The following FMN2 variants were observed in gnomAD, a reference collection of about 807,000 sequenced individuals.
FMN2 encodes the protein formin-2.
Under a neutral mutation model 142.3 loss-of-function variants are expected in FMN2, and 51 were observed. The ratio of observed to expected loss-of-function variants is 0.36; its 90% CI spans 0.29 to 0.45. The LOEUF (loss-of-function observed/expected upper bound fraction) is 0.45, where lower values mean the gene tolerates loss of function less well. Among genes scored for constraint, FMN2 ranks in the 20% least tolerant of loss-of-function variants. FMN2 has a pLI of 1.00. For synonymous variants in FMN2, 882 were observed against 869.8 expected (o/e 1.01, Z -0.25); for missense variants, 1,936 against 2,122.8 (o/e 0.91, Z 1.73).
At chr1:240,233,705 C>A (rs995262545) in intron 6 of FMN2, among the ~76,000 whole-genome samples, 2 of 151,846 alleles carry the variant, frequency 1.3e-5, no homozygotes, top group African/African-American at 4.8e-5. Flanking sequence ...ATTAGTAGGA[C>A]CTTACAAAGA....
At chr1:240,121,526 C>T (rs1662249096) in intron 1 of FMN2, among the ~76,000 whole-genome samples, 1 of 151,392 alleles carries the variant, frequency 6.6e-6, no homozygotes, top group Non-Finnish European at 1.5e-5. Context: ...CAGGCGCTGG[C>T]CACCAAGCCT....
At chr1:240,409,217 C>T (rs1674314717) in intron 15 of FMN2, among the ~76,000 whole-genome samples, 1 of 151,994 alleles carries the variant, frequency 6.6e-6, no homozygotes, top group Admixed American at 6.6e-5. Context: ...ATTTCAGCTC[C>T]CTGCAACCCT....
Position 240,092,109 on chromosome 1 carries a change from C to T in FMN2, c.-1C>T, listed in dbSNP as rs1660992161. On this transcript the variant is annotated 5_prime_UTR_variant, in exon 1 of 18. Coordinates refer to ENST00000319653, the MANE Select transcript of FMN2 (RefSeq NM_020066.5). ...CGGCGGCGCAGCAGCGGGATTGCAC[C>T]ATGGGGAACCAGGATGGGAAGCTGA... The T allele has an allele frequency of 6.5e-7, 1 of 1,549,048 alleles. No homozygotes were observed.
chr1:240,468,498 T>A (rs2103243892), intron 16 of FMN2, among the ~76,000 whole-genome samples: 1 of 152,282 alleles, frequency 6.6e-6, no homozygotes, highest in South Asian at 2.1e-4. Context: ...AGGACACACT[T>A]CCCTCTTCAT....
chr1:240,238,845 A>G (rs1424473606), intron 6 of FMN2, among the ~76,000 whole-genome samples: 1 of 152,218 alleles, frequency 6.6e-6, no homozygotes, highest in Non-Finnish European at 1.5e-5. Context: ...AATCTGTTAT[A>G]CTCAACAACA....
chr1:240,152,615 G>GT (rs1235436493), intron 2 of FMN2, among the ~76,000 whole-genome samples: 9 of 152,168 alleles, frequency 5.9e-5, no homozygotes, highest in African/African-American at 2.2e-4. Context: ...CAGTGGCCCT[G>GT]TTGCCTGTGC....
intron 14 of FMN2, among the ~76,000 whole-genome samples, chr1:240,358,825 C>T (rs1052307932): frequency 6.6e-6 from 1 of 152,062 alleles, no homozygotes; most frequent in Non-Finnish European, 1.5e-5. Flanking sequence ...AAAGCCTAGC[C>T]ATATTATTTC....
chr1:240,432,643 T>A (rs1434768481), intron 15 of FMN2, among the ~76,000 whole-genome samples: 2 of 152,096 alleles, frequency 1.3e-5, no homozygotes, highest in African/African-American at 4.8e-5. Context: ...TCTCTCTAAG[T>A]ACTTGCTTTA....
At chr1:240,270,036 A>G (rs1668943593) in intron 7 of FMN2, among the ~76,000 whole-genome samples, 1 of 151,976 alleles carries the variant, frequency 6.6e-6, no homozygotes, top group African/African-American at 2.4e-5. Context: ...TTTCTTGCCT[A>G]ATTGCTCTGG....
chr1:240,402,281 TA>T (rs1337411787), intron 15 of FMN2, among the ~76,000 whole-genome samples: 1 of 152,266 alleles, frequency 6.6e-6, no homozygotes, highest in Non-Finnish European at 1.5e-5. Flanking sequence ...TCATTTTTCA[TA>T]TTCCATTTGT....
chr1:240,429,965 A>G (rs1191537161), intron 15 of FMN2, among the ~76,000 whole-genome samples: 1 of 150,256 alleles, frequency 6.7e-6, no homozygotes, highest in South Asian at 2.1e-4. Flanking sequence ...AGCTCACTGC[A>G]AGCTCTGCCT....
At chr1:240,221,110 C>A (rs1461316051) in intron 6 of FMN2, among the ~76,000 whole-genome samples, 1 of 152,132 alleles carries the variant, frequency 6.6e-6, no homozygotes, top group Non-Finnish European at 1.5e-5. Context: ...CTTTATCCAG[C>A]CTATCATTGA....
At chr1:240,180,250 A>G (rs1475240244) in intron 3 of FMN2, 2 of 1,051,180 alleles carry the variant, frequency 1.9e-6, no homozygotes, top group Non-Finnish European at 2.6e-6. Flanking sequence ...GTCATATAGC[A>G]TTTTTTCATC....
intron 14 of FMN2, among the ~76,000 whole-genome samples, chr1:240,390,723 G>A (rs186032298): frequency 1.0e-3 from 155 of 152,312 alleles, no homozygotes; most frequent in African/African-American, 3.5e-3. Context: ...GTTAACAGAT[G>A]AATCTGCCTA....
chr1:240,177,470 A>C (rs1664968265), intron 2 of FMN2, among the ~76,000 whole-genome samples: 1 of 151,792 alleles, frequency 6.6e-6, no homozygotes, highest in Admixed American at 6.6e-5. Flanking sequence ...TTGTGGTTGA[A>C]GGCACGGGAG....
intron 2 of FMN2, chr1:240,143,915 G>A: frequency 1.3e-6 from 2 of 1,533,296 alleles, no homozygotes; most frequent in Non-Finnish European, 1.8e-6. Context: ...GCCAGCGTAG[G>A]CCAAGCCTAG....
chr1:240,380,877 C>T (rs1673204317), intron 14 of FMN2, among the ~76,000 whole-genome samples: 1 of 151,886 alleles, frequency 6.6e-6, no homozygotes, highest in African/African-American at 2.4e-5. Context: ...TTAAAATAAG[C>T]ACAATCAGAA....
intron 2 of FMN2, among the ~76,000 whole-genome samples, chr1:240,159,636 A>G (rs1664176385): frequency 6.6e-6 from 1 of 152,114 alleles, no homozygotes. Flanking sequence ...TGTCCACACT[A>G]TCATTACAAG....
chr1:240,422,426 C>T (rs1237957177), intron 15 of FMN2, among the ~76,000 whole-genome samples: 1 of 152,112 alleles, frequency 6.6e-6, no homozygotes, highest in East Asian at 1.9e-4. Flanking sequence ...TGATTTCTTT[C>T]ATCTGAGTTT....
Sources: gnomAD v4.1 joint callset for allele counts (sites outside exome capture counted in the v4.1 genomes callset) on GRCh38, gnomAD v4.1.1 for gene constraint, MANE v1.5 for transcripts, NCBI Gene and HGNC (gene_info 2026-07-23, HGNC 2026-07-21) for gene names.